TMEM143: variants seen among roughly 807,000 people sequenced by gnomAD.
TMEM143 encodes the protein transmembrane protein 143.
In TMEM143, 45 loss-of-function variants were observed where a neutral mutation model predicts 40.3. The observed-to-expected ratio is 1.12, with a 90% CI of 0.88 to 1.43. TMEM143 has a LOEUF of 1.43. TMEM143 is among the 40% of genes most tolerant of loss of function. TMEM143 has a pLI of 0.00. For synonymous variants in TMEM143, 299 were observed against 282.7 expected (o/e 1.06, Z -0.58); for missense variants, 620 against 613.4 (o/e 1.01, Z -0.11).
rs752435541 is a variant in TMEM143 at position 48,342,562 on chromosome 19, A to G, written c.943T>C (p.Phe315Leu). The part of the protein sequence containing the change: ...KVATSLLLLL[F>L]AIFMGLRASK... Reference sequence around the variant, plus strand: ...GCCCGCAGGCCCATGAAGATGGCGAAGAGCAGCAGCAGCAGGGAGGTGGCC... The same window carrying G: ...GCCCGCAGGCCCATGAAGATGGCGAGGAGCAGCAGCAGCAGGGAGGTGGCC... Residue 315 changes from phenylalanine (F) to leucine (L), a missense_variant, in exon 6 of 8, where the codon TTC becomes CTC. Physicochemically the swap from Phe to Leu is conservative, Grantham distance 22. Transcript: ENST00000293261. The G allele has an allele frequency of 6.2e-7, 1 of 1,612,072 alleles. No individual in the cohort carries two copies. The highest frequency in any genetic ancestry group is 1.7e-5 in the Admixed American group (1 of 59,932).
chr19:48,359,858 T>A (rs1042604412), intron 3 of TMEM143: 1 of 537,248 alleles, frequency 1.9e-6, no homozygotes, highest in African/African-American at 1.9e-5. Context: ...ATGGCACTTA[T>A]CACCACCAGG....
At chr19:48,361,992 A>C (rs556723709) in intron 2 of TMEM143, among the ~76,000 whole-genome samples, 244 of 151,822 alleles carry the variant, frequency 1.6e-3, no homozygotes, top group African/African-American at 5.6e-3. Flanking sequence ...ATGTGTTTAC[A>C]TATATGTGCA....
chr19:48,352,259 A>AAAAAAAAAAAAAAC (rs1969794103), intron 3 of TMEM143, among the ~76,000 whole-genome samples: 1 of 148,364 alleles, frequency 6.7e-6, no homozygotes, highest in African/African-American at 2.5e-5. Context: ...AAAAAAAAAA[A>AAAAAAAAAAAAAAC]AAACACCATA....
intron 3 of TMEM143, among the ~76,000 whole-genome samples, chr19:48,349,400 T>C (rs1030103941): frequency 5.9e-5 from 9 of 152,200 alleles, no homozygotes; most frequent in African/African-American, 1.9e-4. Context: ...CCCAACACCT[T>C]GGGAGAACAA....
intron 1 of TMEM143, 48 bp from the exon 2 acceptor site, chr19:48,363,579 G>A (rs1043043548): frequency 3.2e-6 from 5 of 1,549,710 alleles, no homozygotes; most frequent in Non-Finnish European, 3.5e-6. Flanking sequence ...TAGAGGAAAA[G>A]CGCCCTCTCC....
At chr19:48,353,878 C>T (rs1006709033) in intron 3 of TMEM143, among the ~76,000 whole-genome samples, 2 of 151,594 alleles carry the variant, frequency 1.3e-5, no homozygotes, top group Non-Finnish European at 2.9e-5. Flanking sequence ...CCAAGGGTTG[C>T]TGGCAGCTAC....
chr19:48,362,061 T>C (rs764109750), intron 2 of TMEM143, among the ~76,000 whole-genome samples: 2 of 146,868 alleles, frequency 1.4e-5, no homozygotes, highest in Non-Finnish European at 2.9e-5. Context: ...TATTTGTGTG[T>C]GCGTGTATTT....
At chr19:48,341,393 AGTTCCCTGG>A (rs1969484136) in intron 6 of TMEM143, among the ~76,000 whole-genome samples, 1 of 152,192 alleles carries the variant, frequency 6.6e-6, no homozygotes, top group South Asian at 2.1e-4. Context: ...TTAAAAATAT[AGTTCCCTGG>A]GCCCCAGTCC....
At chr19:48,362,365 C>A (rs1476000461) in intron 2 of TMEM143, among the ~76,000 whole-genome samples, 2 of 151,974 alleles carry the variant, frequency 1.3e-5, no homozygotes, top group Non-Finnish European at 2.9e-5. Flanking sequence ...CATGGCAATA[C>A]CCTGTCTCTA....
chr19:48,360,802 G>A (rs1196178203), intron 2 of TMEM143, among the ~76,000 whole-genome samples: 1 of 151,902 alleles, frequency 6.6e-6, no homozygotes, highest in African/African-American at 2.4e-5. Flanking sequence ...TTATTATTAT[G>A]TTGAGACAGA....
rs1021269292 is a variant in TMEM143 at position 48,360,130 on chromosome 19, G to A, written c.311C>T (p.Ser104Leu). ...CAGGGTGCAGAAGTCCACGTGGGCC[G>A]AGAACGCCTCCAAAGCCGCCTTCTC... The part of the protein sequence containing the change: ...PAEKAALEAF[S>L]AHVDFCTLFH... The change falls in exon 3 of 8, where the codon TCG becomes TTG. Residue 104 changes from serine (S) to leucine (L), a missense_variant. Physicochemically the swap from Ser to Leu is moderately radical, Grantham distance 145. Transcript: ENST00000293261. 25 of 1,614,162 alleles carry A rather than the reference G, an allele frequency of 1.5e-5. No individual in the cohort carries two copies. The highest frequency in any genetic ancestry group is 2.1e-5 in the Non-Finnish European group (25 of 1,180,012).
chr19:48,363,169 A>AC lies in TMEM143; in HGVS notation c.264+121dup, dbSNP rs937744083. 6.3e-5 allele frequency: 85 copies of AC among 1,350,728 alleles called. No individual in the cohort carries two copies. In the African/African-American group the frequency reaches 1.0e-3, roughly 16 times the overall value. 83.7% of individuals were successfully genotyped at this position (1,350,728 alleles called of 1,614,324 possible). On this transcript the variant is annotated intron_variant, in intron 2 of 7. Transcript: ENST00000293261. ...CCGCCCACTAGGGAAACACGAAGGG[A>AC]CCCGGGAACTACAACTCCCAGGAGG... is the stretch of plus-strand genomic sequence containing the variant.
intron 6 of TMEM143, among the ~76,000 whole-genome samples, chr19:48,335,534 G>C (rs561978101): frequency 6.6e-6 from 1 of 152,176 alleles, no homozygotes; most frequent in African/African-American, 2.4e-5. Flanking sequence ...AGACCAGCCT[G>C]ACCAACATGG....
intron 6 of TMEM143, among the ~76,000 whole-genome samples, chr19:48,338,989 G>A (rs1271145140): frequency 6.6e-6 from 1 of 152,204 alleles, no homozygotes; most frequent in Non-Finnish European, 1.5e-5. Flanking sequence ...ATGGCAGGGT[G>A]GGGGCGCCGC....
chr19:48,340,439 T>C (rs1048302378), intron 6 of TMEM143, among the ~76,000 whole-genome samples: 7 of 152,114 alleles, frequency 4.6e-5, no homozygotes, highest in Admixed American at 3.9e-4. Context: ...TTTTTTATTG[T>C]TATTTTTTGA....
rs377450079 is a variant in TMEM143 at position 48,357,499 on chromosome 19, G to A, written c.369+2573C>T. On this transcript the variant is annotated intron_variant, in intron 3 of 7. Coordinates refer to ENST00000293261, the MANE Select transcript of TMEM143 (RefSeq NM_018273.4). ...CTCCCGAGTAGCTGGGACTACAGGC[G>A]CCCGCCACCACGCCCGGCTAATTTT... Among the ~76,000 whole-genome samples, 13 of 151,524 alleles carry A rather than the reference G, an allele frequency of 8.6e-5. 1 individual carries two copies. The East Asian group carries it at 2.5e-3, about 30-fold the overall frequency.
At position 48,333,997 on chromosome 19, in the gene TMEM143, C is replaced by T; in HGVS notation, c.1165+11G>A. On this transcript the variant is annotated intron_variant, in intron 7 of 7. Transcript: ENST00000293261. The surrounding 1 kb of genome is among the most constrained non-coding windows in gnomAD (Gnocchi z 4.1). The stretch of plus-strand genomic sequence containing the variant: ...GGCCCCTGGGGGCAGGGTCCCAGGG[C>T]CACGTCCTACCTTCGGGCGAGCCTT... 6.5e-7 allele frequency: 1 copy of T among 1,531,316 alleles called. No individual in the cohort carries two copies. Among genetic ancestry groups the T allele is most frequent in the South Asian group, 1.2e-5 (1 of 83,786 alleles). 94.9% of individuals were successfully genotyped at this position (1,531,316 alleles called of 1,614,324 possible). A position where few individuals can be genotyped will look rare whatever the true frequency, so the allele number is the denominator to read the frequency against.
intron 6 of TMEM143, among the ~76,000 whole-genome samples, chr19:48,340,121 A>ATTTTTTTTTTTTTTTTTTTTTTTTTTTT (rs11369636): frequency 2.0e-5 from 2 of 98,572 alleles, no homozygotes; most frequent in African/African-American, 4.2e-5. Flanking sequence ...GTCAACTGGG[A>ATTTTTTTTTTTTTTTTTTTTTTTTTTTT]TTTTTTTTTT....
intron 6 of TMEM143, among the ~76,000 whole-genome samples, chr19:48,338,233 C>G (rs748089330): frequency 6.6e-6 from 1 of 152,180 alleles, no homozygotes; most frequent in Non-Finnish European, 1.5e-5. Flanking sequence ...AGCTCCCCAG[C>G]TCATCCTTGG....
Sources: allele counts gnomAD v4.1 joint callset (sites outside exome capture counted in the v4.1 genomes callset), GRCh38; gene constraint gnomAD v4.1.1; non-coding constraint Gnocchi (gnomAD v3.1); transcripts MANE v1.5; gene names NCBI Gene and HGNC (gene_info 2026-07-23, HGNC 2026-07-21).